Variants in PTCHD4 observed in about 807,000 individuals in gnomAD.
PTCHD4 encodes patched domain containing 4.
Under a neutral mutation model 58.1 loss-of-function variants are expected in PTCHD4, and 33 were observed. That is an observed-to-expected ratio of 0.57 (90% CI 0.43 to 0.76). The LOEUF is 0.76. PTCHD4 is among the 30% of genes least tolerant of loss of function. The pLI is 0.00. For missense variants in PTCHD4, 1,058 were observed against 1,027.1 expected (o/e 1.03, Z -0.41); for synonymous variants, 478 against 409.6 (o/e 1.17, Z -2.02).
intron 4 of PTCHD4, among the ~76,000 whole-genome samples, chr6:47,906,273 C>T (rs886992188): frequency 6.6e-6 from 1 of 152,126 alleles, no homozygotes; most frequent in African/African-American, 2.4e-5. Context: ...TTCAGTTAGG[C>T]CAGTTCACAG....
intron 4 of PTCHD4, among the ~76,000 whole-genome samples, chr6:48,002,748 T>G (rs977879715): frequency 2.0e-5 from 3 of 148,682 alleles, no homozygotes; most frequent in Admixed American, 2.0e-4. Flanking sequence ...ACCCTAAAAC[T>G]TAAAGTATAA....
At chr6:48,011,496 C>CA (rs1286323191) in intron 3 of PTCHD4, among the ~76,000 whole-genome samples, 2 of 152,010 alleles carry the variant, frequency 1.3e-5, no homozygotes, top group Non-Finnish European at 2.9e-5. Context: ...GGATAGATTG[C>CA]AAAAATTTTC....
At chr6:47,883,585 C>G (rs906350366) in intron 4 of PTCHD4, among the ~76,000 whole-genome samples, 1 of 152,060 alleles carries the variant, frequency 6.6e-6, no homozygotes, top group African/African-American at 2.4e-5. Flanking sequence ...TATGAAATAA[C>G]TGTGTATAGT....
intron 4 of PTCHD4, among the ~76,000 whole-genome samples, chr6:47,884,325 G>A (rs1192250497): frequency 6.6e-6 from 1 of 152,044 alleles, no homozygotes; most frequent in Non-Finnish European, 1.5e-5. Flanking sequence ...TTTTCACTTT[G>A]GTTTCCATTC....
intron 4 of PTCHD4, among the ~76,000 whole-genome samples, chr6:47,993,033 A>G (rs1161050011): frequency 2.0e-5 from 3 of 152,214 alleles, no homozygotes; most frequent in Non-Finnish European, 4.4e-5. Flanking sequence ...ATGAATGCCA[A>G]TGCTATTTTC....
chr6:47,901,370 T>C, intron 4 of PTCHD4: 1 of 855,970 alleles, frequency 1.2e-6, no homozygotes, highest in South Asian at 5.4e-5. Context: ...ATAGAATTAT[T>C]TGGGAAGTGT....
In PTCHD4 at chr6:47,858,197, G is replaced by A. The variant is rs766974788; in HGVS notation, c.*20106C>T. Reference sequence around the variant, plus strand: ...CTCCAGCAATTATAGGAGAGGGAAGGTTTTCATAAACATACTTGATTTTAT... The same window carrying A: ...CTCCAGCAATTATAGGAGAGGGAAGATTTTCATAAACATACTTGATTTTAT... On this transcript the variant is annotated 3_prime_UTR_variant, in exon 5 of 5. Coordinates refer to ENST00000339488, the MANE Select transcript of PTCHD4 (RefSeq NM_001384253.1). Among the ~76,000 whole-genome samples the A allele has an allele frequency of 2.0e-5, 3 of 151,826 alleles. No individual in the cohort carries two copies. The highest frequency in any genetic ancestry group is 4.4e-5 in the Non-Finnish European group (3 of 67,914).
intron 4 of PTCHD4, among the ~76,000 whole-genome samples, chr6:47,916,529 C>T (rs555178690): frequency 5.3e-5 from 8 of 152,188 alleles, no homozygotes; most frequent in African/African-American, 1.9e-4. Context: ...GCCCCCTTAT[C>T]TCCATTCCCA....
chr6:47,910,173 T>G (rs539634863), intron 4 of PTCHD4, among the ~76,000 whole-genome samples: 1 of 152,268 alleles, frequency 6.6e-6, no homozygotes, highest in Non-Finnish European at 1.5e-5. Flanking sequence ...GTCATCTTCC[T>G]TAGTTAATAT....
At chr6:47,959,904 G>A (rs1767013612) in intron 4 of PTCHD4, among the ~76,000 whole-genome samples, 1 of 151,270 alleles carries the variant, frequency 6.6e-6, no homozygotes. Flanking sequence ...TCTTTAAATA[G>A]GAATGAAGAA....
At chr6:48,074,774 G>A (rs564648854) in intron 1 of PTCHD4, among the ~76,000 whole-genome samples, 1 of 152,316 alleles carries the variant, frequency 6.6e-6, no homozygotes, top group East Asian at 1.9e-4. Flanking sequence ...CCTTGATGCT[G>A]AGTTTTTCTG....
intron 1 of PTCHD4, among the ~76,000 whole-genome samples, chr6:48,099,743 A>G (rs964119208): frequency 6.6e-6 from 1 of 152,212 alleles, no homozygotes; most frequent in African/African-American, 2.4e-5. Flanking sequence ...CTGAGCTTCT[A>G]GGCTATGCTG....
chr6:47,966,977 C>A (rs1423392125), intron 4 of PTCHD4, among the ~76,000 whole-genome samples: 1 of 152,132 alleles, frequency 6.6e-6, no homozygotes, highest in Non-Finnish European at 1.5e-5. Flanking sequence ...ATGTTGATAA[C>A]CTTCTCCCAT....
chr6:48,043,425 G>C (rs12189913), intron 3 of PTCHD4, among the ~76,000 whole-genome samples: 28,750 of 151,650 alleles, frequency 0.19, 3,086 homozygotes, highest in South Asian at 0.26. Flanking sequence ...GAAAGGCAGC[G>C]TTTTTTTGAC....
Position 47,915,903 on chromosome 6 carries a change from G to A in PTCHD4, c.899-35967C>T, listed in dbSNP as rs559564295. ...GAGGAATTTCGGGGGAGTGAGGATG[G>A]ACTGGGTGGTGATACTGTAAGAATC... On this transcript the variant is annotated intron_variant, in intron 4 of 4. Transcript: ENST00000339488. Among the ~76,000 whole-genome samples the A allele has an allele frequency of 4.9e-4, 75 of 152,216 alleles. 1 individual carries two copies. The South Asian group carries it at 7.0e-3, about 14-fold the overall frequency.
intron 4 of PTCHD4, among the ~76,000 whole-genome samples, chr6:48,002,372 A>G (rs1768763372): frequency 6.6e-6 from 1 of 152,184 alleles, no homozygotes; most frequent in Non-Finnish European, 1.5e-5. Context: ...ATGTCCAACA[A>G]TGATAGACTG....
rs373283616 is a variant in PTCHD4 at position 48,092,480 on chromosome 6, G to T, written c.-970+18569C>A. Among the ~76,000 whole-genome samples, 5 of 152,114 alleles carry T rather than the reference G, an allele frequency of 3.3e-5. No homozygotes were observed. The East Asian group carries it at 7.7e-4, about 23-fold the overall frequency. ...AATAAGCTGTGGTGAAATAACTACT[G>T]GTTATGAGCCATAGACCTGGTATTC... On this transcript the variant is annotated intron_variant, in intron 1 of 4. Coordinates refer to ENST00000339488, the MANE Select transcript of PTCHD4 (RefSeq NM_001384253.1).
intron 1 of PTCHD4, among the ~76,000 whole-genome samples, chr6:48,102,672 A>G (rs1765631924): frequency 1.3e-5 from 2 of 152,232 alleles, no homozygotes; most frequent in Non-Finnish European, 2.9e-5. Flanking sequence ...GCATCGCCTC[A>G]CCTGGGAAGT....
chr6:48,078,472 C>T (rs534985213), intron 1 of PTCHD4, among the ~76,000 whole-genome samples: 2 of 152,284 alleles, frequency 1.3e-5, no homozygotes, highest in East Asian at 3.9e-4. Context: ...GATCAATGCA[C>T]AAAGATGACA....
Sources: gnomAD v4.1 joint callset for allele counts (sites outside exome capture counted in the v4.1 genomes callset) on GRCh38, gnomAD v4.1.1 for gene constraint, MANE v1.5 for transcripts, NCBI Gene and HGNC (gene_info 2026-07-23, HGNC 2026-07-21) for gene names.